The following CLCN5 variants were observed in gnomAD, a reference collection of about 807,000 sequenced individuals.
The protein encoded by CLCN5 is H(+)/Cl(-) exchange transporter 5.
A neutral mutation model predicts 54.0 loss-of-function variants in CLCN5; 17 were observed. That is an observed-to-expected ratio of 0.31 (90% CI 0.22 to 0.47). The LOEUF is 0.47. CLCN5 is among the 20% of genes least tolerant of loss of function. CLCN5 has a pLI of 1.00. For synonymous variants in CLCN5, 222 were observed against 233.0 expected (o/e 0.95, Z 0.43); for missense variants, 448 against 646.7 (o/e 0.69, Z 3.33).
chrX:49,948,395 A>T (rs1254546508), intron 3 of CLCN5, among the ~76,000 whole-genome samples: 2 of 111,223 alleles, frequency 1.8e-5, no homozygotes, highest in African/African-American at 6.5e-5. Flanking sequence ...TGGATGCTCC[A>T]CTATCAGCAT....
chrX:50,026,983 T>C (rs1221116855), intron 3 of CLCN5, among the ~76,000 whole-genome samples: 1 of 110,837 alleles, frequency 9.0e-6, no homozygotes, highest in Non-Finnish European at 1.9e-5. Flanking sequence ...ATTATTACTT[T>C]ATGTATTTCT....
intron 3 of CLCN5, among the ~76,000 whole-genome samples, chrX:50,019,470 T>C (rs1175808689): frequency 1.5e-4 from 9 of 61,358 alleles, no homozygotes; most frequent in African/African-American, 6.9e-4. Context: ...TTTTTTTTCT[T>C]TTTTTTTTTT....
In CLCN5 at chrX:50,090,279, A is replaced by G. The variant is rs143279729; in HGVS notation, c.1908A>G (p.Gly636=). 3 of 1,211,563 alleles carry G rather than the reference A, an allele frequency of 2.5e-6. No homozygotes were observed. Among genetic ancestry groups the G allele is most frequent in the Non-Finnish European group, 3.4e-6 (3 of 895,285 alleles). The stretch of plus-strand genomic sequence containing the variant: ...ATGATGCCCACATCCGTCTCAATGG[A>G]TACCCCTTTCTTGAAGCCAAAGAAG... The part of the protein sequence containing the change: ...GIYDAHIRLN[G]YPFLEAKEEF... Residue 636 remains glycine (G), a synonymous_variant, in exon 13 of 15, where the codon GGA becomes GGG. Transcript: ENST00000376091.
Position 50,045,332 on chromosome X carries a change from C to T in CLCN5, c.163+2870C>T, listed in dbSNP as rs782419689. On this transcript the variant is annotated intron_variant, in intron 4 of 14. Coordinates refer to ENST00000376091, the MANE Select transcript of CLCN5 (RefSeq NM_001127898.4). The stretch of plus-strand genomic sequence containing the variant: ...CAAAGAGAACTGTGTTAGCATATTG[C>T]TTCTGCTTATGTGTAGTTATAACCA... Among the ~76,000 whole-genome samples, 27 of 111,827 alleles carry T rather than the reference C, an allele frequency of 2.4e-4. 1 individual carries two copies. The highest frequency in any genetic ancestry group is 2.1e-3 in the Admixed American group (22 of 10,545).
intron 2 of CLCN5, among the ~76,000 whole-genome samples, chrX:49,924,145 ATTTTT>A (rs34424526): frequency 2.4e-5 from 2 of 84,475 alleles, no homozygotes; most frequent in African/African-American, 8.9e-5. Flanking sequence ...CCTAGCTCCT[ATTTTT>A]TTTTTTTTTT....
At chrX:49,961,813 C>A (rs1557174723) in intron 3 of CLCN5, among the ~76,000 whole-genome samples, 1 of 111,362 alleles carries the variant, frequency 9.0e-6, no homozygotes, top group Admixed American at 9.5e-5. Flanking sequence ...CCCTTTCAGT[C>A]CATATTTATC....
intron 3 of CLCN5, among the ~76,000 whole-genome samples, chrX:49,975,907 G>T (rs1469528296): frequency 8.9e-6 from 1 of 111,976 alleles, no homozygotes; most frequent in Non-Finnish European, 1.9e-5. Context: ...TTAACCAGTG[G>T]TGATTTTGCT....
At chrX:50,090,632 G>A (rs1176156678) in intron 13 of CLCN5, 38 bp from the exon 14 acceptor site, 24 of 1,170,217 alleles carry the variant, frequency 2.1e-5, no homozygotes, top group East Asian at 3.1e-5. Context: ...GAGCTAGCAC[G>A]TCCATCTTCA....
rs181033583 is a variant in CLCN5 at position 50,086,221 on chromosome X, C to T, written c.1015-107C>T. ...TTTACCATGTGACTAGAAATCCAGT[C>T]GGCAGTTTTCATCCATTAGTTGACT... On this transcript the variant is annotated intron_variant, in intron 10 of 14. Coordinates refer to ENST00000376091, the MANE Select transcript of CLCN5 (RefSeq NM_001127898.4). The T allele has an allele frequency of 7.4e-6, 7 of 943,621 alleles. No individual in the cohort carries two copies. In the African/African-American group the frequency reaches 9.6e-5, roughly 13 times the overall value. 77.8% of individuals were successfully genotyped at this position (943,621 alleles called of 1,213,427 possible).
chrX:50,099,176 T>C lies in CLCN5; in HGVS notation c.*6957T>C, dbSNP rs1233023926. ...ACCCAGGTCGCCATTGCTTTATACA[T>C]TTTCACTTAGCACAGATTTGTAATT... On this transcript the variant is annotated 3_prime_UTR_variant, in exon 15 of 15. Transcript: ENST00000376091. 2 of 112,643 alleles carry C rather than the reference T, an allele frequency of 1.8e-5. No individual in the cohort carries two copies. Among genetic ancestry groups the C allele is most frequent in the African/African-American group, 3.2e-5 (1 of 30,909 alleles). The allele number at this position is 112,643 out of a possible 1,213,427, so 9.3% of individuals were successfully genotyped here.
intron 4 of CLCN5, chrX:50,069,456 A>C: frequency 1.3e-6 from 1 of 752,577 alleles, no homozygotes; most frequent in Non-Finnish European, 1.6e-6. Context: ...GGCAAAAACC[A>C]CTTCATAGGA....
intron 8 of CLCN5, among the ~76,000 whole-genome samples, chrX:50,081,147 G>C: frequency 9.0e-6 from 1 of 111,575 alleles, no homozygotes; most frequent in South Asian, 3.8e-4. Context: ...GCTTGACAGT[G>C]ACTAAAGACA....
chrX:50,037,409 C>T (rs1352641492), intron 3 of CLCN5, among the ~76,000 whole-genome samples: 1 of 111,860 alleles, frequency 8.9e-6, no homozygotes, highest in African/African-American at 3.3e-5. Flanking sequence ...AGTCAGAGCC[C>T]AAGTGATATG....
chrX:50,008,367 A>G, intron 3 of CLCN5: 1 of 299,624 alleles, frequency 3.3e-6, no homozygotes, highest in Admixed American at 2.7e-5. Context: ...TATCATGACA[A>G]GTAAGTACCT....
intron 3 of CLCN5, among the ~76,000 whole-genome samples, chrX:50,040,456 G>A (rs1932173202): frequency 8.9e-6 from 1 of 112,009 alleles, no homozygotes; most frequent in Non-Finnish European, 1.9e-5. Flanking sequence ...TAGTGTTCCA[G>A]AATAACCTAT....
At position 50,092,782 on chromosome X, in the gene CLCN5, T is replaced by G. The variant is rs1334274020; in HGVS notation, c.*563T>G. 1 of 116,256 alleles carries G rather than the reference T, an allele frequency of 8.6e-6. No homozygotes were observed. Among genetic ancestry groups the G allele is most frequent in the African/African-American group, 3.2e-5 (1 of 31,032 alleles). 9.6% of individuals were successfully genotyped at this position (116,256 alleles called of 1,213,427 possible). A position where few individuals can be genotyped will look rare whatever the true frequency, so the allele number is the denominator to read the frequency against. On this transcript the variant is annotated 3_prime_UTR_variant, in exon 15 of 15. Coordinates refer to ENST00000376091, the MANE Select transcript of CLCN5 (RefSeq NM_001127898.4). ...GTTACAATATTTAGCATTATTAGTT[T>G]GTTATGTGTGTATGTTTATGTTAAT...
chrX:50,022,484 T>C (rs1931149141), intron 3 of CLCN5, among the ~76,000 whole-genome samples: 1 of 5,453 alleles, frequency 1.8e-4, no homozygotes, highest in African/African-American at 1.5e-3. Flanking sequence ...CCTTCAGTTC[T>C]GCTCTGATTT....
At chrX:50,014,155 T>C (rs1298508468) in intron 3 of CLCN5, among the ~76,000 whole-genome samples, 1 of 111,575 alleles carries the variant, frequency 9.0e-6, no homozygotes, top group Non-Finnish European at 1.9e-5. Context: ...CTGCTTCCCC[T>C]TGTATCCTTG....
chrX:50,040,395 G>A (rs1448171709), intron 3 of CLCN5, among the ~76,000 whole-genome samples: 3 of 111,365 alleles, frequency 2.7e-5, no homozygotes, highest in African/African-American at 9.8e-5. Context: ...AGTACCTTGG[G>A]GTAACTTTGT....
Sources: allele counts gnomAD v4.1 joint callset (sites outside exome capture counted in the v4.1 genomes callset), GRCh38; gene constraint gnomAD v4.1.1; transcripts MANE v1.5; gene names NCBI Gene and HGNC (gene_info 2026-07-23, HGNC 2026-07-21).